DNAH11: variants seen among roughly 807,000 people sequenced by gnomAD.
DNAH11 encodes axonemal beta dynein heavy chain 11.
DNAH11 carries 442 observed loss-of-function variants against 526.0 expected under a neutral mutation model. That is an observed-to-expected ratio of 0.84 (90% CI 0.78 to 0.91). The LOEUF (loss-of-function observed/expected upper bound fraction) is 0.91, where lower values mean the gene tolerates loss of function less well. DNAH11 is among the 40% of genes least tolerant of loss of function. The pLI is 0.00. For missense variants in DNAH11, 6,989 were observed against 5,448.7 expected (o/e 1.28, Z -8.90); for synonymous variants, 2,461 against 1,935.9 (o/e 1.27, Z -7.12).
At chr7:21,572,082 G>A (rs998504968) in intron 8 of DNAH11, 109 bp downstream of exon 8, 6 of 955,456 alleles carry the variant, frequency 6.3e-6, no homozygotes, top group African/African-American at 1.7e-5. Flanking sequence ...ATATCTCTAG[G>A]ACCAAAAGAG....
At chr7:21,590,580 T>G (rs1784635477) in intron 12 of DNAH11, among the ~76,000 whole-genome samples, 1 of 152,212 alleles carries the variant, frequency 6.6e-6, no homozygotes, top group Non-Finnish European at 1.5e-5. Flanking sequence ...CTAAAATATG[T>G]ACAGAGAATA....
intron 30 of DNAH11, among the ~76,000 whole-genome samples, chr7:21,661,207 G>A (rs1056953783): frequency 2.6e-5 from 4 of 152,036 alleles, no homozygotes; most frequent in African/African-American, 7.2e-5. Context: ...TATGGTGGGA[G>A]TGGTATTATT....
intron 38 of DNAH11, among the ~76,000 whole-genome samples, chr7:21,705,002 T>C (rs911375520): frequency 4.6e-5 from 7 of 152,246 alleles, no homozygotes; most frequent in African/African-American, 1.4e-4. Context: ...TGACAACATG[T>C]ATGAGAATAA....
intron 48 of DNAH11, 83 bp from the exon 49 acceptor site, chr7:21,741,844 G>A (rs922865983): frequency 2.7e-6 from 4 of 1,477,598 alleles, no homozygotes; most frequent in Non-Finnish European, 3.7e-6. Flanking sequence ...CTGGATACAG[G>A]GAGGAGTGAA....
intron 2 of DNAH11, among the ~76,000 whole-genome samples, chr7:21,557,954 T>C (rs1347026158): frequency 6.6e-6 from 1 of 152,212 alleles, no homozygotes; most frequent in Non-Finnish European, 1.5e-5. Flanking sequence ...GTAATAATAA[T>C]ATTTGGAGAC....
intron 61 of DNAH11, among the ~76,000 whole-genome samples, chr7:21,792,614 A>C (rs1241750110): frequency 6.6e-6 from 1 of 152,118 alleles, no homozygotes; most frequent in Non-Finnish European, 1.5e-5. Flanking sequence ...TTCATGGTTC[A>C]ATCTTGGTAG....
chr7:21,798,624 C>A (rs552340463), intron 61 of DNAH11, among the ~76,000 whole-genome samples: 2 of 152,290 alleles, frequency 1.3e-5, no homozygotes, highest in East Asian at 3.9e-4. Flanking sequence ...GCAAATCACT[C>A]AACTGATCTT....
In DNAH11 at chr7:21,869,292, C is replaced by G. The variant is rs972539283; in HGVS notation, c.11967+301C>G. ...GAACACTCAGTAGTGCCTGAGAACA[C>G]GCAGGCTTGTTTAGATTGCTAACAG... On this transcript the variant is annotated intron_variant, in intron 73 of 81. Transcript: ENST00000409508. Among the ~76,000 whole-genome samples the G allele has an allele frequency of 2.6e-5, 4 of 152,192 alleles. No homozygotes were observed. In the East Asian group the frequency reaches 7.7e-4, roughly 29 times the overall value.
chr7:21,844,056 G>T (rs1375733420), intron 66 of DNAH11, among the ~76,000 whole-genome samples: 1 of 152,148 alleles, frequency 6.6e-6, no homozygotes, highest in Non-Finnish European at 1.5e-5. Context: ...TAAATCAGGG[G>T]TCCGCAAACT....
At chr7:21,826,551 T>C (rs901617355) in intron 65 of DNAH11, among the ~76,000 whole-genome samples, 3 of 152,198 alleles carry the variant, frequency 2.0e-5, no homozygotes, top group African/African-American at 7.2e-5. Flanking sequence ...TAATGGATCT[T>C]CCTGTTTACC....
chr7:21,739,496 C>T (rs767239155), intron 47 of DNAH11, 75 bp from the exon 48 acceptor site: 7 of 1,113,168 alleles, frequency 6.3e-6, no homozygotes, highest in Admixed American at 2.0e-5. Context: ...CGATGAAGAC[C>T]TTTATGAACT....
intron 12 of DNAH11, among the ~76,000 whole-genome samples, 167 bp from the exon 13 acceptor site, chr7:21,590,751 T>C (rs1053522185): frequency 2.0e-5 from 3 of 152,238 alleles, no homozygotes; most frequent in African/African-American, 7.2e-5. Flanking sequence ...ATATTATGAA[T>C]GTATGATTTT....
rs146641786 is a variant in DNAH11, at chr7:21,865,982, A to C, written c.11497-488A>C. On this transcript the variant is annotated intron_variant, in intron 70 of 81. Coordinates refer to ENST00000409508, the MANE Select transcript of DNAH11 (RefSeq NM_001277115.2). ...GTGAGGACAACCAGAGGTCACCCTCATCACCATCGTGGTTTTGTTGGGTTT... is the reference window on the plus strand; with the variant it reads ...GTGAGGACAACCAGAGGTCACCCTCCTCACCATCGTGGTTTTGTTGGGTTT... Among the ~76,000 whole-genome samples the C allele has an allele frequency of 5.9e-5, 9 of 152,332 alleles. No individual in the cohort carries two copies. In the East Asian group the frequency reaches 9.6e-4, roughly 16 times the overall value.
rs1463480518 is a variant in DNAH11 at position 21,711,606 on chromosome 7, G to C, written c.6835-106G>C. 6.2e-6 allele frequency: 9 copies of C among 1,459,434 alleles called. No individual in the cohort carries two copies. In the African/African-American group the frequency reaches 1.1e-4, roughly 18 times the overall value. 90.4% of individuals were successfully genotyped at this position (1,459,434 alleles called of 1,614,324 possible). ...CAGACTGCACTTCTGATTCAGGAGA[G>C]TGAGCACACAGCCTGTGATACTTCT... On this transcript the variant is annotated intron_variant, in intron 41 of 81. Coordinates refer to ENST00000409508, the MANE Select transcript of DNAH11 (RefSeq NM_001277115.2).
Position 21,710,633 on chromosome 7 carries a change from G to A in DNAH11, c.6764G>A (p.Trp2255Ter). The A allele has an allele frequency of 1.2e-6, 2 of 1,613,292 alleles. No homozygotes were observed. Among genetic ancestry groups the A allele is most frequent in the Non-Finnish European group, 1.7e-6 (2 of 1,179,558 alleles). ...AATCTTAAGCATGATGGACCAAAAT[G>A]GATAGTCCTGGATGGCGATATTGAC... is the stretch of plus-strand genomic sequence containing the variant. The part of the protein sequence containing the change: ...QANLKHDGPK[W>*]IVLDGDIDPM... Residue 2255 changes from tryptophan (W) to a stop codon, truncating the protein, a stop_gained, in exon 41 of 82, where the codon TGG (tryptophan) becomes TAG (stop). Transcript: ENST00000409508. LOFTEE classifies it high-confidence loss of function.
chr7:21,737,060 A>G (rs548365070), intron 46 of DNAH11, among the ~76,000 whole-genome samples: 1 of 152,198 alleles, frequency 6.6e-6, no homozygotes, highest in Non-Finnish European at 1.5e-5. Context: ...GAGATGGCCT[A>G]TTAGTGCGAG....
intron 25 of DNAH11, among the ~76,000 whole-genome samples, chr7:21,633,992 G>A (rs61016252): frequency 0.033 from 5,075 of 152,272 alleles, 295 homozygotes; most frequent in African/African-American, 0.11. Context: ...GATAGTCTGA[G>A]CACATGATAC....
At chr7:21,575,611 T>G (rs959831046) in intron 8 of DNAH11, among the ~76,000 whole-genome samples, 1 of 152,214 alleles carries the variant, frequency 6.6e-6, no homozygotes, top group African/African-American at 2.4e-5. Context: ...GCAACCTTCC[T>G]TAGTAATTCT....
intron 56 of DNAH11, among the ~76,000 whole-genome samples, chr7:21,776,665 A>G (rs1787683044): frequency 6.6e-6 from 1 of 152,232 alleles, no homozygotes; most frequent in Non-Finnish European, 1.5e-5. Flanking sequence ...CACTTTGAAT[A>G]TTTCAGAGCT....
Sources: gnomAD v4.1 joint callset for allele counts (sites outside exome capture counted in the v4.1 genomes callset) on GRCh38, gnomAD v4.1.1 for gene constraint, MANE v1.5 for transcripts, NCBI Gene and HGNC (gene_info 2026-07-23, HGNC 2026-07-21) for gene names.